The following PRDM16 variants were observed in gnomAD, a reference collection of about 807,000 sequenced individuals.
PRDM16 encodes PR/SET domain 16.
Under a neutral mutation model 110.6 loss-of-function variants are expected in PRDM16, and 23 were observed. That is an observed-to-expected ratio of 0.21 (90% CI 0.15 to 0.29). The LOEUF is 0.29. Among genes scored for constraint, PRDM16 ranks in the 10% least tolerant of loss-of-function variants. PRDM16 has a pLI of 1.00. For synonymous variants in PRDM16, 799 were observed against 781.8 expected (o/e 1.02, Z -0.37); for missense variants, 1,615 against 1,794.3 (o/e 0.90, Z 1.81).
chr1:3,314,078 G>A (rs1045151382), intron 3 of PRDM16, among the ~76,000 whole-genome samples: 1 of 145,644 alleles, frequency 6.9e-6, no homozygotes, highest in Non-Finnish European at 1.5e-5. Flanking sequence ...CACCGGGGGG[G>A]GGGGCGGGAA....
At chr1:3,177,361 G>A (rs1377993154) in intron 1 of PRDM16, among the ~76,000 whole-genome samples, 1 of 152,240 alleles carries the variant, frequency 6.6e-6, no homozygotes, top group East Asian at 1.9e-4. Flanking sequence ...TTTTGTCATT[G>A]TAGGGAGAAC....
chr1:3,294,626 G>A (rs949809125), intron 3 of PRDM16, among the ~76,000 whole-genome samples: 3 of 152,102 alleles, frequency 2.0e-5, no homozygotes, highest in South Asian at 2.1e-4. Context: ...GGATCCCGAC[G>A]GATCCCGTGC....
chr1:3,295,597 G>T (rs1641070346), intron 3 of PRDM16, among the ~76,000 whole-genome samples: 1 of 152,148 alleles, frequency 6.6e-6, no homozygotes, highest in Admixed American at 6.5e-5. Flanking sequence ...CGTAACTCAG[G>T]AGCCGAGCGT....
intron 1 of PRDM16, among the ~76,000 whole-genome samples, chr1:3,164,217 G>A (rs563628694): frequency 3.3e-5 from 5 of 152,388 alleles, no homozygotes; most frequent in Middle Eastern, 3.4e-3. Flanking sequence ...TTCCGTGTTC[G>A]TGGTTTTGTA....
At chr1:3,188,404 G>A (rs781079930) in intron 2 of PRDM16, among the ~76,000 whole-genome samples, 1 of 152,150 alleles carries the variant, frequency 6.6e-6, no homozygotes, top group Non-Finnish European at 1.5e-5. Context: ...GTATCACCAT[G>A]TCCGCGTGGT....
At chr1:3,426,344 C>G (rs1258393424) in intron 14 of PRDM16, 119 bp downstream of exon 14, 6 of 751,266 alleles carry the variant, frequency 8.0e-6, no homozygotes, top group Non-Finnish European at 1.3e-5. Flanking sequence ...CAGATAGGCG[C>G]AGTGGGGGCC....
At chr1:3,127,127 C>T (rs1301233609) in intron 1 of PRDM16, among the ~76,000 whole-genome samples, 1 of 152,206 alleles carries the variant, frequency 6.6e-6, no homozygotes, top group African/African-American at 2.4e-5. Context: ...GAGAGAGAGG[C>T]CCAGACGGTC....
intron 1 of PRDM16, among the ~76,000 whole-genome samples, chr1:3,076,557 C>T (rs1641905552): frequency 6.6e-6 from 1 of 152,198 alleles, no homozygotes; most frequent in South Asian, 2.1e-4. Context: ...CGTCCCCGGG[C>T]AGAAGCACTG....
At chr1:3,414,048 C>A (rs1405547642) in intron 9 of PRDM16, among the ~76,000 whole-genome samples, 3 of 152,178 alleles carry the variant, frequency 2.0e-5, no homozygotes, top group Admixed American at 2.0e-4. Context: ...GTGCCAGGGG[C>A]CGGGTCAGAG....
At chr1:3,214,235 G>C (rs530315058) in intron 2 of PRDM16, among the ~76,000 whole-genome samples, 1 of 152,216 alleles carries the variant, frequency 6.6e-6, no homozygotes, top group Non-Finnish European at 1.5e-5. Context: ...GAAACTTCTA[G>C]ATCTGAGGAG....
intron 3 of PRDM16, among the ~76,000 whole-genome samples, chr1:3,287,755 T>C (rs113294017): frequency 0.082 from 9,803 of 119,278 alleles, 622 homozygotes; most frequent in Middle Eastern, 0.15. Flanking sequence ...GCCCCTGCCA[T>C]GCGGGCATCG....
chr1:3,424,022 A>T (rs1383214312), intron 12 of PRDM16, among the ~76,000 whole-genome samples: 2 of 152,184 alleles, frequency 1.3e-5, no homozygotes, highest in East Asian at 3.9e-4. Flanking sequence ...CCAAGCACCC[A>T]CGTGCAACTG....
chr1:3,369,733 TA>T (rs763721088), intron 3 of PRDM16, among the ~76,000 whole-genome samples: 2 of 152,268 alleles, frequency 1.3e-5, no homozygotes, highest in Non-Finnish European at 2.9e-5. Flanking sequence ...AGCATCTTTT[TA>T]TGCACGCATA....
chr1:3,152,755 C>G (rs1011213022), intron 1 of PRDM16, among the ~76,000 whole-genome samples: 6 of 152,188 alleles, frequency 3.9e-5, no homozygotes, highest in Non-Finnish European at 8.8e-5. Flanking sequence ...TGCATGGACT[C>G]AGCCATAGCG....
intron 1 of PRDM16, among the ~76,000 whole-genome samples, chr1:3,149,586 G>A (rs1035480122): frequency 2.6e-5 from 4 of 152,226 alleles, no homozygotes; most frequent in African/African-American, 9.6e-5. Context: ...ACGGAGGCCA[G>A]GAATCCATGC....
chr1:3,083,620 G>A (rs1236728960), intron 1 of PRDM16, among the ~76,000 whole-genome samples: 1 of 151,644 alleles, frequency 6.6e-6, no homozygotes, highest in Non-Finnish European at 1.5e-5. Flanking sequence ...TCAGCTTCAT[G>A]CTGGGTGGGG....
intron 3 of PRDM16, among the ~76,000 whole-genome samples, chr1:3,275,954 T>C (rs1640573254): frequency 6.6e-6 from 1 of 152,226 alleles, no homozygotes. Context: ...AGCTGCGCCC[T>C]GTGGGTCTGT....
At chr1:3,236,391 A>T (rs1397034833) in intron 2 of PRDM16, among the ~76,000 whole-genome samples, 1 of 152,166 alleles carries the variant, frequency 6.6e-6, no homozygotes, top group Admixed American at 6.5e-5. Context: ...CTTCCAGGTC[A>T]AGGACCACAA....
At chr1:3,405,438 A>T (rs1021916959) in intron 7 of PRDM16, 57 bp from the exon 8 acceptor site, 3 of 1,498,482 alleles carry the variant, frequency 2.0e-6, no homozygotes, top group Admixed American at 4.5e-5. Flanking sequence ...GCCAGCCAGA[A>T]CCAGGCCAAG....
Sources: allele counts gnomAD v4.1 joint callset (sites outside exome capture counted in the v4.1 genomes callset), GRCh38; gene constraint gnomAD v4.1.1; transcripts MANE v1.5; gene names NCBI Gene and HGNC (gene_info 2026-07-23, HGNC 2026-07-21).